Variants in CELSR1 observed in about 807,000 individuals in gnomAD.
CELSR1 encodes adhesion G protein-coupled receptor C1.
A neutral mutation model predicts 249.1 loss-of-function variants in CELSR1; 110 were observed. That is an observed-to-expected ratio of 0.44 (90% CI 0.38 to 0.52). The LOEUF is 0.52. Among genes scored for constraint, CELSR1 ranks in the 20% least tolerant of loss-of-function variants. The pLI is 0.00. For missense variants in CELSR1, 4,109 were observed against 4,296.4 expected (o/e 0.96, Z 1.22); for synonymous variants, 2,113 against 1,900.0 (o/e 1.11, Z -2.92).
intron 1 of CELSR1, among the ~76,000 whole-genome samples, chr22:46,467,922 T>G (rs2080114666): frequency 6.6e-6 from 1 of 152,166 alleles, no homozygotes; most frequent in Non-Finnish European, 1.5e-5. Context: ...TCTACTTTAC[T>G]GCTCATTTTG....
intron 2 of CELSR1, among the ~76,000 whole-genome samples, chr22:46,459,789 T>C (rs2079999538): frequency 1.3e-5 from 2 of 152,228 alleles, no homozygotes; most frequent in Admixed American, 1.3e-4. Flanking sequence ...TTTGATGTCT[T>C]GTACCTCAGT....
rs1026189151 is a variant in CELSR1 at position 46,518,996 on chromosome 22, G to A, written c.3544+14631C>T. 2.0e-5 allele frequency among the ~76,000 whole-genome samples: 3 copies of A among 151,880 alleles called. No homozygotes were observed. Among genetic ancestry groups the A allele is most frequent in the African/African-American group, 4.8e-5 (2 of 41,316 alleles). ...TGCAATGAGCCAAGATTGAGCCACT[G>A]TACTCCAGCCTGGGTAACGGAGCGA... On this transcript the variant is annotated intron_variant, in intron 1 of 34. Coordinates refer to ENST00000674500, the MANE Select transcript of CELSR1 (RefSeq NM_001378328.1). The surrounding 1 kb of genome is among the most constrained non-coding windows in gnomAD (Gnocchi z 5.2).
chr22:46,435,279 A>AATTT (rs1491093378), intron 4 of CELSR1, among the ~76,000 whole-genome samples: 7 of 108,376 alleles, frequency 6.5e-5, no homozygotes, highest in African/African-American at 2.7e-4. Flanking sequence ...AAAAAAAAAA[A>AATTT]TTTTTTTTTT....
rs373532320 is a variant in CELSR1 at position 46,536,259 on chromosome 22, G to A, written c.912C>T (p.Ala304=). 6 of 1,612,180 alleles carry A rather than the reference G, an allele frequency of 3.7e-6. No homozygotes were observed. The East Asian group carries it at 6.7e-5, about 18-fold the overall frequency. ...GYFRIDSATG[A]VSTDSVLDRE... The stretch of plus-strand genomic sequence containing the variant: ...GGTCCAGTACGCTGTCCGTGCTCAC[G>A]GCGCCCGTGGCAGAGTCGATTCGGA... The change falls in exon 1 of 35, where the codon GCC becomes GCT. Residue 304 remains alanine (A), a synonymous_variant. Coordinates refer to ENST00000674500, the MANE Select transcript of CELSR1 (RefSeq NM_001378328.1).
In CELSR1 at chr22:46,366,448, G is replaced by A. The variant is rs74699704; in HGVS notation, c.8238C>T (p.Asp2746=). 1.7e-3 allele frequency: 2,690 copies of A among 1,550,304 alleles called. 31 individuals are homozygous for A. The African/African-American group carries it at 0.029, about 16-fold the overall frequency. ...RSLNCNTTFG[D]GPDMLRTDLG... is the part of the protein sequence containing the mutation. The stretch of plus-strand genomic sequence containing the variant: ...AGTCTGTGCGCAGCATGTCAGGCCC[G>A]TCACCGAAGGTGGTGTTGCAGTTGA... The change falls in exon 30 of 35, where the codon GAC becomes GAT. Residue 2746 remains aspartate, a synonymous_variant. Transcript: ENST00000674500.
rs533395211 is a variant in CELSR1, at chr22:46,527,011, C to A, written c.3544+6616G>T. On this transcript the variant is annotated intron_variant, in intron 1 of 34. Transcript: ENST00000674500. The surrounding 1 kb of genome is among the most constrained non-coding windows in gnomAD (Gnocchi z 5.5). The stretch of plus-strand genomic sequence containing the variant: ...GCCAGTTTTTTCTGGAAGGCACAGA[C>A]AGGGAACATGCCTTAGGAGCTGCCC... Among the ~76,000 whole-genome samples, 1 of 152,210 alleles carries A rather than the reference C, an allele frequency of 6.6e-6. No homozygotes were observed. Among genetic ancestry groups the A allele is most frequent in the Non-Finnish European group, 1.5e-5 (1 of 68,032 alleles).
chr22:46,366,673 C>T (rs987965181), intron 29 of CELSR1, among the ~76,000 whole-genome samples, 193 bp from the exon 30 acceptor site: 1 of 152,184 alleles, frequency 6.6e-6, no homozygotes, highest in South Asian at 2.1e-4. Context: ...CTGAGGGAAG[C>T]ACATCCTGGC....
At chr22:46,474,539 AAT>A (rs779413287) in intron 1 of CELSR1, among the ~76,000 whole-genome samples, 11 of 152,198 alleles carry the variant, frequency 7.2e-5, no homozygotes, top group Non-Finnish European at 1.3e-4. Context: ...AAGTGTATTT[AAT>A]ATATCCATTA....
At position 46,366,458 on chromosome 22, in the gene CELSR1, G is replaced by A. The variant is rs1480830164; in HGVS notation, c.8228C>T (p.Thr2743Ile). The change falls in exon 30 of 35, where the codon ACC becomes ATC. Residue 2743 changes from threonine to isoleucine, a missense_variant. Physicochemically the swap from Thr to Ile is moderately conservative, Grantham distance 89. This residue lies in a region of CELSR1 where 1,805 missense variants were observed against 1,831.6 expected (regional missense o/e 0.99). Transcript: ENST00000674500. ...LLTRSLNCNTTFGDGPDMLRT... is the reference protein window; with the variant it reads ...LLTRSLNCNTIFGDGPDMLRT... ...CAGCATGTCAGGCCCGTCACCGAAG[G>A]TGGTGTTGCAGTTGAGGGAGCGCTG... 1.3e-6 allele frequency: 2 copies of A among 1,550,310 alleles called. No homozygotes were observed. The highest frequency in any genetic ancestry group is 1.4e-5 in the African/African-American group (1 of 72,930).
chr22:46,367,423 T>G (rs1388932725), intron 28 of CELSR1, among the ~76,000 whole-genome samples: 1 of 152,190 alleles, frequency 6.6e-6, no homozygotes, highest in Admixed American at 6.5e-5. Flanking sequence ...GTCCCCACTG[T>G]GTCGTAAGTC....
At chr22:46,435,632 G>A (rs1425481780) in intron 4 of CELSR1, among the ~76,000 whole-genome samples, 2 of 152,072 alleles carry the variant, frequency 1.3e-5, no homozygotes, top group East Asian at 1.9e-4. Context: ...ATGATTCCTT[G>A]GTTTCTGAAA....
chr22:46,502,629 T>G (rs889093386), intron 1 of CELSR1, among the ~76,000 whole-genome samples: 4 of 152,154 alleles, frequency 2.6e-5, no homozygotes, highest in African/African-American at 9.7e-5. Context: ...TGGCCAATAC[T>G]TTGCTTTGTG....
chr22:46,460,211 A>ACACCCC lies in CELSR1; in HGVS notation c.4183+3495_4183+3496insGGGGTG, dbSNP rs1555922665. Among the ~76,000 whole-genome samples, 496 of 148,968 alleles carry ACACCCC rather than the reference A, an allele frequency of 3.3e-3. 13 individuals are homozygous for ACACCCC. The highest frequency in any genetic ancestry group is 0.029 in the East Asian group (145 of 5,072). On this transcript the variant is annotated intron_variant, in intron 2 of 34. Transcript: ENST00000674500. The stretch of plus-strand genomic sequence containing the variant: ...CACACACACACACACACACACACAC[A>ACACCCC]CACACCCATTAGCTACAGTCCCTGC...
intron 5 of CELSR1, among the ~76,000 whole-genome samples, chr22:46,424,446 T>C (rs749429984): frequency 4.0e-4 from 61 of 152,060 alleles, no homozygotes; most frequent in Non-Finnish European, 7.8e-4. Context: ...TGTAAAACAA[T>C]AATACAGAGA....
intron 1 of CELSR1, among the ~76,000 whole-genome samples, chr22:46,495,381 T>C (rs1053861341): frequency 2.0e-5 from 3 of 152,222 alleles, no homozygotes; most frequent in Non-Finnish European, 4.4e-5. Context: ...TTAAAAACAG[T>C]ACACCTATAT....
chr22:46,469,999 G>GAGGAGGGGAGGGAGGGAGGAC (rs1351904268), intron 1 of CELSR1, among the ~76,000 whole-genome samples: 2 of 134,640 alleles, frequency 1.5e-5, no homozygotes, highest in African/African-American at 2.8e-5. Context: ...AGGGAGGGAG[G>GAGGAGGGGAGGGAGGGAGGAC]GAGAGGCAAA....
In CELSR1 at chr22:46,389,520, T is replaced by C. The variant is rs112055069; in HGVS notation, c.6346-21A>G. 3.6e-3 allele frequency: 5,743 copies of C among 1,612,190 alleles called. 189 individuals carry two copies. In the African/African-American group the frequency reaches 0.066, roughly 19 times the overall value. ...TCATTCTGGAACAGGGAGGCAGTCG[T>C]GATGTGTGCAAACCCACTTCGGCCG... On this transcript the variant is annotated intron_variant, in intron 17 of 34. Coordinates refer to ENST00000674500, the MANE Select transcript of CELSR1 (RefSeq NM_001378328.1).
rs535607353 is a variant in CELSR1, at chr22:46,454,890, C to G, written c.4183+8817G>C. On this transcript the variant is annotated intron_variant, in intron 2 of 34. Transcript: ENST00000674500. The surrounding 1 kb of genome is among the most constrained non-coding windows in gnomAD (Gnocchi z 5.1). Reference sequence around the variant, plus strand: ...GTCCCCAGAAAGATACGCTCAGTTACGAACTCCCAGTACCCTTGAAAGTGA... The same window carrying G: ...GTCCCCAGAAAGATACGCTCAGTTAGGAACTCCCAGTACCCTTGAAAGTGA... Among the ~76,000 whole-genome samples the G allele has an allele frequency of 1.3e-5, 2 of 152,216 alleles. No homozygotes were observed. Among genetic ancestry groups the G allele is most frequent in the Non-Finnish European group, 2.9e-5 (2 of 68,036 alleles).
intron 5 of CELSR1, among the ~76,000 whole-genome samples, chr22:46,432,151 G>T (rs2079602772): frequency 6.6e-6 from 1 of 152,196 alleles, no homozygotes; most frequent in Non-Finnish European, 1.5e-5. Context: ...CTTGGAGTCT[G>T]TGTGGCACGC....
Sources: allele counts gnomAD v4.1 joint callset (sites outside exome capture counted in the v4.1 genomes callset), GRCh38; gene constraint gnomAD v4.1.1; regional missense constraint gnomAD v4.1.1; non-coding constraint Gnocchi (gnomAD v3.1); transcripts MANE v1.5; gene names NCBI Gene and HGNC (gene_info 2026-07-23, HGNC 2026-07-21).